CAPZA2: variants seen among roughly 807,000 people sequenced by gnomAD.
CAPZA2 encodes the protein F-actin-capping protein subunit alpha-2.
In CAPZA2, 13 loss-of-function variants were observed where a neutral mutation model predicts 44.0. That is an observed-to-expected ratio of 0.30 (90% CI 0.19 to 0.47). CAPZA2 has a LOEUF of 0.47. Among genes scored for constraint, CAPZA2 ranks in the 20% least tolerant of loss-of-function variants. CAPZA2 has a pLI of 1.00. For missense variants in CAPZA2, 244 were observed against 338.6 expected, an observed-to-expected ratio of 0.72 and a Z score of 2.19; for synonymous variants, 94 against 108.2, an observed-to-expected ratio of 0.87 and a Z score of 0.81.
Position 116,895,602 on chromosome 7 carries a change from C to CA in CAPZA2, c.155+2561dup, listed in dbSNP as rs540701179. 3.3e-3 allele frequency among the ~76,000 whole-genome samples: 500 copies of CA among 151,888 alleles called. 2 individuals carry two copies. The highest frequency in any genetic ancestry group is 0.011 in the African/African-American group (476 of 41,424). ...AGTATGACCCTCAGAAAAAACTCATCAAAACCTTTACTAGAAACTTCAGAT... is the reference window on the plus strand; with the variant it reads ...AGTATGACCCTCAGAAAAAACTCATCAAAAACCTTTACTAGAAACTTCAGAT... On this transcript the variant is annotated intron_variant, in intron 3 of 9. Transcript: ENST00000361183.
chr7:116,891,661 G>A (rs1378976955), intron 2 of CAPZA2, among the ~76,000 whole-genome samples: 9 of 152,010 alleles, frequency 5.9e-5, no homozygotes, highest in African/African-American at 1.9e-4. Flanking sequence ...CTAGGTGCCC[G>A]CCACCACGCC....
At chr7:116,892,938 A>G in intron 2 of CAPZA2, 56 bp from the exon 3 acceptor site, 1 of 1,290,662 alleles carries the variant, frequency 7.7e-7, no homozygotes. Flanking sequence ...ATCTGCGTTC[A>G]TTACATTCTT....
At chr7:116,898,162 C>CCAGAGCCTATCCA (rs1252043599) in intron 3 of CAPZA2, among the ~76,000 whole-genome samples, 9 of 152,086 alleles carry the variant, frequency 5.9e-5, no homozygotes, top group Non-Finnish European at 1.3e-4. Flanking sequence ...TTTCCATAAA[C>CCAGAGCCTATCCA]CAGAGCCTAT....
chr7:116,894,720 C>G (rs933565426), intron 3 of CAPZA2, among the ~76,000 whole-genome samples: 3 of 152,246 alleles, frequency 2.0e-5, no homozygotes, highest in East Asian at 3.9e-4. Flanking sequence ...ATTTGACAAC[C>G]TAGGTACCTC....
chr7:116,914,469 A>G (rs1388985072), intron 8 of CAPZA2, among the ~76,000 whole-genome samples: 2 of 146,934 alleles, frequency 1.4e-5, no homozygotes, highest in Non-Finnish European at 3.0e-5. Flanking sequence ...ACACACACAC[A>G]CGTATTTTTT....
At chr7:116,906,460 G>T in intron 6 of CAPZA2, 118 bp downstream of exon 6, 1 of 1,427,414 alleles carries the variant, frequency 7.0e-7, no homozygotes, top group Non-Finnish European at 9.2e-7. Flanking sequence ...TTTAGAGATG[G>T]TATAAAATTT....
chr7:116,878,910 G>A (rs1321973983), intron 1 of CAPZA2, among the ~76,000 whole-genome samples: 2 of 151,572 alleles, frequency 1.3e-5, no homozygotes, highest in African/African-American at 2.4e-5. Context: ...GGTGGATCAC[G>A]AGGTCGGGAG....
intron 3 of CAPZA2, among the ~76,000 whole-genome samples, chr7:116,897,792 C>A (rs896867483): frequency 1.3e-5 from 2 of 151,976 alleles, no homozygotes; most frequent in African/African-American, 2.4e-5. Context: ...ATTCTTGGAT[C>A]CATCTCGTCA....
intron 4 of CAPZA2, among the ~76,000 whole-genome samples, chr7:116,899,801 A>C (rs1363214630): frequency 6.6e-6 from 1 of 151,660 alleles, no homozygotes; most frequent in South Asian, 2.1e-4. Flanking sequence ...ATAGCCTCCA[A>C]AGTCACTTTA....
intron 2 of CAPZA2, among the ~76,000 whole-genome samples, chr7:116,892,731 T>C (rs917365357): frequency 4.6e-5 from 7 of 152,148 alleles, no homozygotes; most frequent in Non-Finnish European, 8.8e-5. Flanking sequence ...TGGACAAGCT[T>C]GGATTTTAGT....
chr7:116,862,677 G>A (rs1354360697), intron 1 of CAPZA2, 27 bp downstream of exon 1: 3 of 1,527,068 alleles, frequency 2.0e-6, no homozygotes, highest in African/African-American at 2.8e-5. Flanking sequence ...CGACGGCGCG[G>A]GCTGTCAGGA....
chr7:116,871,189 G>A (rs180847007), intron 1 of CAPZA2, among the ~76,000 whole-genome samples: 53 of 152,304 alleles, frequency 3.5e-4, no homozygotes, highest in Admixed American at 2.7e-3. Context: ...GGAATAAGAA[G>A]TGGAGAGAGA....
At chr7:116,881,448 A>G (rs1459859170) in intron 1 of CAPZA2, among the ~76,000 whole-genome samples, 1 of 152,162 alleles carries the variant, frequency 6.6e-6, no homozygotes, top group Non-Finnish European at 1.5e-5. Flanking sequence ...AAACTACAGT[A>G]CAATTATCAG....
In CAPZA2 at chr7:116,920,107, T is replaced by C. The variant is rs1791747354; in HGVS notation, c.*2240T>C. 6.6e-6 allele frequency: 1 copy of C among 150,508 alleles called. No individual in the cohort carries two copies. 9.3% of individuals were successfully genotyped at this position (150,508 alleles called of 1,614,324 possible). A position where few individuals can be genotyped will look rare whatever the true frequency, so the allele number is the denominator to read the frequency against. ...AAAACAAAAAAAAATTAGCCGGGGA[T>C]GGTGATGCGCGCCTGTAATCCCAAC... On this transcript the variant is annotated 3_prime_UTR_variant, in exon 10 of 10. Coordinates refer to ENST00000361183, the MANE Select transcript of CAPZA2 (RefSeq NM_006136.3).
chr7:116,914,696 A>C (rs556924178), intron 8 of CAPZA2, among the ~76,000 whole-genome samples: 41 of 152,046 alleles, frequency 2.7e-4, no homozygotes, highest in African/African-American at 8.7e-4. Flanking sequence ...GCCACAACCA[A>C]CCTTTCTGCC....
intron 1 of CAPZA2, among the ~76,000 whole-genome samples, chr7:116,882,542 T>A (rs1796715365): frequency 6.6e-6 from 1 of 152,182 alleles, no homozygotes; most frequent in Admixed American, 6.5e-5. Flanking sequence ...TGTTTGACAG[T>A]AATACGTTTG....
intron 9 of CAPZA2, 101 bp from the exon 10 acceptor site, chr7:116,917,626 A>G (rs1791698889): frequency 2.4e-6 from 2 of 847,328 alleles, no homozygotes; most frequent in Admixed American, 3.7e-5. Flanking sequence ...AAACAGTGAA[A>G]CAGGCTGCTT....
Position 116,898,780 on chromosome 7 carries a change from C to A in CAPZA2, c.164C>A (p.Ala55Glu). 2 of 1,586,694 alleles carry A rather than the reference C, an allele frequency of 1.3e-6. No homozygotes were observed. Among genetic ancestry groups the A allele is most frequent in the Non-Finnish European group, 8.6e-7 (1 of 1,163,822 alleles). ...LLREGAAHAFAQYNLDQFTPV... is the reference protein window; with the variant it reads ...LLREGAAHAFEQYNLDQFTPV... ...CATTTTCTTTTTTTTAGTGCATTTG[C>A]ACAGTATAACTTGGACCAGTTTACT... The change falls in exon 4 of 10, where the codon GCA (alanine) becomes GAA (glutamate). Residue 55 changes from alanine (A) to glutamate (E), a missense_variant. By Grantham distance (107) the Ala-to-Glu change is moderately radical. Transcript: ENST00000361183.
chr7:116,883,013 T>C (rs1334215479), intron 1 of CAPZA2, among the ~76,000 whole-genome samples: 3 of 152,182 alleles, frequency 2.0e-5, no homozygotes, highest in Non-Finnish European at 2.9e-5. Context: ...AATAACTCTT[T>C]CGTGATTTTG....
Sources: allele counts gnomAD v4.1 joint callset (sites outside exome capture counted in the v4.1 genomes callset), GRCh38; gene constraint gnomAD v4.1.1; transcripts MANE v1.5; gene names NCBI Gene and HGNC (gene_info 2026-07-23, HGNC 2026-07-21).